The following ARHGAP8 variants were observed in gnomAD, a reference collection of about 807,000 sequenced individuals.
ARHGAP8 encodes rho GTPase-activating protein 8.
Under a neutral mutation model 46.1 loss-of-function variants are expected in ARHGAP8, and 62 were observed. The observed-to-expected ratio is 1.34, with a 90% CI of 1.10 to 1.66. The LOEUF is 1.66. Ranked by LOEUF, ARHGAP8 falls within the 40% of genes most tolerant of loss-of-function variation. The pLI, the probability that ARHGAP8 is intolerant of heterozygous loss-of-function variation, is 0.00. For missense variants in ARHGAP8, 923 were observed against 568.4 expected, an observed-to-expected ratio of 1.62 and a Z score of -6.34; for synonymous variants, 375 against 243.1, an observed-to-expected ratio of 1.54 and a Z score of -5.05.
intron 7 of ARHGAP8, among the ~76,000 whole-genome samples, chr22:44,833,664 C>T (rs892708178): frequency 7.9e-5 from 12 of 152,162 alleles, no homozygotes; most frequent in Admixed American, 3.3e-4. Flanking sequence ...TTTGGTGATA[C>T]TGGCCTCAGA....
chr22:44,822,505 A>C, intron 6 of ARHGAP8, 36 bp downstream of exon 6: 2 of 1,492,956 alleles, frequency 1.3e-6, no homozygotes, highest in Non-Finnish European at 8.9e-7. Flanking sequence ...CCGCATCAAT[A>C]CATCTTCGTG....
At chr22:44,792,047 CTGT>C (rs1256476822) in intron 2 of ARHGAP8, among the ~76,000 whole-genome samples, 2 of 148,994 alleles carry the variant, frequency 1.3e-5, no homozygotes, top group African/African-American at 2.5e-5. Context: ...GAGTCTTGCT[CTGT>C]TGCCCAGGCT....
chr22:44,774,031 G>A lies in ARHGAP8; in HGVS notation c.-71-12426G>A, dbSNP rs1926234566. ...ATATTCTCTCTATGAGGAAGGTGCT[G>A]TTGTTGTCTATATTTTATAAACTAA... is the stretch of plus-strand genomic sequence containing the variant. On this transcript the variant is annotated intron_variant, in intron 1 of 11. Coordinates refer to ENST00000356099, the MANE Select transcript of ARHGAP8 (RefSeq NM_181335.3). 1.3e-5 allele frequency among the ~76,000 whole-genome samples: 2 copies of A among 152,206 alleles called. 1 individual carries two copies. Among genetic ancestry groups the A allele is most frequent in the South Asian group, 4.1e-4 (2 of 4,830 alleles).
At chr22:44,852,141 G>A (rs989692139) in intron 10 of ARHGAP8, among the ~76,000 whole-genome samples, 6 of 137,254 alleles carry the variant, frequency 4.4e-5, no homozygotes, top group Non-Finnish European at 7.6e-5. Context: ...GTAGTGAGCC[G>A]AGATCGCACT....
intron 7 of ARHGAP8, among the ~76,000 whole-genome samples, chr22:44,830,589 T>C (rs1317520508): frequency 6.6e-6 from 1 of 152,000 alleles, no homozygotes; most frequent in Non-Finnish European, 1.5e-5. Context: ...CAGGCTGGAG[T>C]GCAATGACAC....
At chr22:44,756,960 G>T (rs958308452) in intron 1 of ARHGAP8, among the ~76,000 whole-genome samples, 4 of 151,948 alleles carry the variant, frequency 2.6e-5, no homozygotes, top group African/African-American at 9.7e-5. Flanking sequence ...ATCTTGCTCT[G>T]TTGCTCAGAC....
At chr22:44,854,881 G>GGT (rs1294719772) in intron 10 of ARHGAP8, among the ~76,000 whole-genome samples, 1 of 152,104 alleles carries the variant, frequency 6.6e-6, no homozygotes, top group Non-Finnish European at 1.5e-5. Context: ...CCTGACCTCA[G>GGT]GTGATCTGCC....
intron 4 of ARHGAP8, chr22:44,809,258 G>A (rs1029223926): frequency 6.8e-6 from 3 of 444,436 alleles, no homozygotes; most frequent in East Asian, 7.2e-5. Context: ...TCATTTTCAC[G>A]TGTCATGAAA....
At chr22:44,820,111 C>G (rs1212914756) in intron 5 of ARHGAP8, among the ~76,000 whole-genome samples, 3 of 152,224 alleles carry the variant, frequency 2.0e-5, no homozygotes, top group African/African-American at 7.2e-5. Flanking sequence ...TGACTCAGAT[C>G]CCCGCAGGTG....
At chr22:44,775,403 G>A (rs1230511644) in intron 1 of ARHGAP8, among the ~76,000 whole-genome samples, 2 of 152,044 alleles carry the variant, frequency 1.3e-5, no homozygotes, top group African/African-American at 4.8e-5. Flanking sequence ...CCTGACCTGT[G>A]GACAACTCCA....
chr22:44,815,051 C>T (rs1026363036), intron 5 of ARHGAP8, among the ~76,000 whole-genome samples: 3 of 152,168 alleles, frequency 2.0e-5, no homozygotes, highest in African/African-American at 7.2e-5. Context: ...CGTGATTTTC[C>T]AGAGGGACTC....
intron 10 of ARHGAP8, among the ~76,000 whole-genome samples, chr22:44,859,320 T>G (rs565640633): frequency 3.3e-5 from 5 of 152,144 alleles, no homozygotes; most frequent in Admixed American, 1.3e-4. Context: ...TAGTGAGTTC[T>G]TACCAGATCT....
chr22:44,846,069 G>T (rs559405607), intron 8 of ARHGAP8, among the ~76,000 whole-genome samples: 1 of 151,726 alleles, frequency 6.6e-6, no homozygotes, highest in Non-Finnish European at 1.5e-5. Flanking sequence ...TCCAGAGCTC[G>T]GCTCAACAGT....
At chr22:44,818,332 T>C (rs1364894535) in intron 5 of ARHGAP8, among the ~76,000 whole-genome samples, 1 of 150,622 alleles carries the variant, frequency 6.6e-6, no homozygotes, top group Non-Finnish European at 1.5e-5. Flanking sequence ...GACTGTAATC[T>C]CAGCTACTTG....
intron 1 of ARHGAP8, among the ~76,000 whole-genome samples, chr22:44,756,908 G>T (rs9614904): frequency 0.4 from 60,475 of 151,728 alleles, 14,486 homozygotes; most frequent in Non-Finnish European, 0.54. Context: ...TGTTTAAAAC[G>T]ATTAGCAACA....
chr22:44,797,662 C>A (rs1928186859), intron 2 of ARHGAP8, among the ~76,000 whole-genome samples: 1 of 152,202 alleles, frequency 6.6e-6, no homozygotes, highest in African/African-American at 2.4e-5. Flanking sequence ...TTCCAGGCTC[C>A]TGGGAAGAAT....
At chr22:44,857,956 G>A (rs2070280948) in intron 10 of ARHGAP8, among the ~76,000 whole-genome samples, 1 of 152,024 alleles carries the variant, frequency 6.6e-6, no homozygotes, top group Admixed American at 6.6e-5. Context: ...AGAGCTGAGG[G>A]TGACCTGCAC....
rs527471701 is a variant in ARHGAP8, at chr22:44,775,478, G to A, written c.-71-10979G>A. Among the ~76,000 whole-genome samples, 7 of 151,540 alleles carry A rather than the reference G, an allele frequency of 4.6e-5. No individual in the cohort carries two copies. In the South Asian group the frequency reaches 6.3e-4, roughly 14 times the overall value. Reference sequence around the variant, plus strand: ...CTTTTTTTTTTTGAGACGGAGTTTCGCTCTTGTTGCCCAGGCTGGAGTGCA... The same window carrying A: ...CTTTTTTTTTTTGAGACGGAGTTTCACTCTTGTTGCCCAGGCTGGAGTGCA... On this transcript the variant is annotated intron_variant, in intron 1 of 11. Coordinates refer to ENST00000356099, the MANE Select transcript of ARHGAP8 (RefSeq NM_181335.3).
intron 9 of ARHGAP8, 151 bp from the exon 10 acceptor site, chr22:44,848,781 A>C: frequency 7.1e-7 from 1 of 1,401,734 alleles, no homozygotes; most frequent in Admixed American, 2.3e-5. Flanking sequence ...ACCCATTTCT[A>C]GGTGGGGACA....
Sources: gnomAD v4.1 joint callset for allele counts (sites outside exome capture counted in the v4.1 genomes callset) on GRCh38, gnomAD v4.1.1 for gene constraint, MANE v1.5 for transcripts, NCBI Gene and HGNC (gene_info 2026-07-23, HGNC 2026-07-21) for gene names.